Variants in GRIP1 observed in about 807,000 individuals in gnomAD.
The protein encoded by GRIP1 is glutamate receptor-interacting protein 1.
In GRIP1, 45 loss-of-function variants were observed where a neutral mutation model predicts 129.9. That is an observed-to-expected ratio of 0.35 (90% CI 0.27 to 0.44). The LOEUF (loss-of-function observed/expected upper bound fraction) is 0.44, where lower values mean the gene tolerates loss of function less well. Ranked by LOEUF, GRIP1 falls within the 20% of genes least tolerant of loss-of-function variation. The pLI, the probability that GRIP1 is intolerant of heterozygous loss-of-function variation, is 1.00. For synonymous variants in GRIP1, 530 were observed against 520.8 expected (o/e 1.02, Z -0.24); for missense variants, 1,196 against 1,396.8 (o/e 0.86, Z 2.29).
chr12:66,742,521 T>A (rs111322951), intron 1 of GRIP1, among the ~76,000 whole-genome samples: 23 of 152,226 alleles, frequency 1.5e-4, no homozygotes, highest in African/African-American at 4.6e-4. Context: ...TCCAGGATCA[T>A]CTTGAAGAAA....
intron 2 of GRIP1, among the ~76,000 whole-genome samples, chr12:66,571,963 G>A (rs2062974186): frequency 6.6e-6 from 1 of 152,110 alleles, no homozygotes; most frequent in Non-Finnish European, 1.5e-5. Context: ...GCAGAAGTAG[G>A]GCTGGTGTAT....
At chr12:66,905,915 A>G (rs1226679559) in intron 1 of GRIP1, among the ~76,000 whole-genome samples, 4 of 152,180 alleles carry the variant, frequency 2.6e-5, no homozygotes, top group African/African-American at 9.7e-5. Flanking sequence ...TCTTTAAGAC[A>G]TTTTAAAGGA....
intron 1 of GRIP1, among the ~76,000 whole-genome samples, chr12:66,723,783 A>C (rs890278164): frequency 4.6e-5 from 7 of 152,174 alleles, no homozygotes; most frequent in African/African-American, 1.7e-4. Flanking sequence ...AGAATTAAAA[A>C]TTGTCTGAGG....
In GRIP1 at chr12:66,419,874, T is replaced by A. The variant is rs996841086; in HGVS notation, c.1838+846A>T. 2.6e-5 allele frequency among the ~76,000 whole-genome samples: 4 copies of A among 152,204 alleles called. No individual in the cohort carries two copies. The East Asian group carries it at 7.7e-4, about 29-fold the overall frequency. On this transcript the variant is annotated intron_variant, in intron 15 of 24. Transcript: ENST00000359742. The stretch of plus-strand genomic sequence containing the variant: ...ACTCTGGGAGGCTGAGGTGGGTGGA[T>A]CACCTGAGGTCAGGAGTTTGAGACC...
At chr12:66,573,030 A>G (rs2063015929) in intron 2 of GRIP1, among the ~76,000 whole-genome samples, 1 of 152,026 alleles carries the variant, frequency 6.6e-6, no homozygotes, top group Admixed American at 6.6e-5. Flanking sequence ...GCATGTTGTT[A>G]TATATATGCC....
chr12:66,395,113 C>T (rs768514857), intron 16 of GRIP1, among the ~76,000 whole-genome samples: 1 of 152,232 alleles, frequency 6.6e-6, no homozygotes, highest in Non-Finnish European at 1.5e-5. Context: ...TAGTTGAAGA[C>T]ACTTGTGAAT....
At chr12:66,650,857 C>T (rs1565942004) in intron 1 of GRIP1, among the ~76,000 whole-genome samples, 1 of 152,176 alleles carries the variant, frequency 6.6e-6, no homozygotes, top group Non-Finnish European at 1.5e-5. Context: ...GGCTCTGACA[C>T]CACACTGACC....
At position 66,427,194 on chromosome 12, in the gene GRIP1, A is replaced by G. The variant is rs527600136; in HGVS notation, c.1768+5354T>C. ...GCTTCCCCTCTGCTTCTTTACTTAA[A>G]TTCATCTTTCTTTATCTTCTTTGCC... is the stretch of plus-strand genomic sequence containing the variant. On this transcript the variant is annotated intron_variant, in intron 14 of 24. Transcript: ENST00000359742. 4.6e-5 allele frequency among the ~76,000 whole-genome samples: 7 copies of G among 152,130 alleles called. No individual in the cohort carries two copies. The South Asian group carries it at 1.5e-3, about 32-fold the overall frequency.
At chr12:66,532,303 T>C (rs964832773) in intron 4 of GRIP1, among the ~76,000 whole-genome samples, 8 of 152,184 alleles carry the variant, frequency 5.3e-5, no homozygotes, top group Non-Finnish European at 1.2e-4. Flanking sequence ...CATACATATG[T>C]ATGTATACAC....
At chr12:66,841,095 A>T (rs944253077) in intron 1 of GRIP1, among the ~76,000 whole-genome samples, 3 of 152,182 alleles carry the variant, frequency 2.0e-5, no homozygotes, top group African/African-American at 7.2e-5. Context: ...TAAACATCCC[A>T]TATTTTTATC....
chr12:66,982,041 C>A (rs2042248292), intron 1 of GRIP1, among the ~76,000 whole-genome samples: 1 of 152,142 alleles, frequency 6.6e-6, no homozygotes, highest in Non-Finnish European at 1.5e-5. Flanking sequence ...TCATTGAGAA[C>A]TTATAAAGAA....
At chr12:66,716,654 A>G (rs1299159105) in intron 1 of GRIP1, among the ~76,000 whole-genome samples, 1 of 152,010 alleles carries the variant, frequency 6.6e-6, no homozygotes, top group Non-Finnish European at 1.5e-5. Flanking sequence ...TTGGGCCCCA[A>G]TAGACTGAAT....
At chr12:66,408,417 T>G (rs1024396322) in intron 15 of GRIP1, among the ~76,000 whole-genome samples, 3 of 152,084 alleles carry the variant, frequency 2.0e-5, no homozygotes, top group African/African-American at 7.2e-5. Context: ...AGGTGCAGGT[T>G]GCAGTGAGCC....
intron 13 of GRIP1, among the ~76,000 whole-genome samples, chr12:66,443,326 C>T (rs951411423): frequency 9.2e-5 from 14 of 152,304 alleles, no homozygotes; most frequent in African/African-American, 3.1e-4. Flanking sequence ...AGTAATTTTC[C>T]ATTCAATGAC....
At chr12:66,946,146 A>G (rs1165530799) in intron 1 of GRIP1, among the ~76,000 whole-genome samples, 1 of 152,148 alleles carries the variant, frequency 6.6e-6, no homozygotes, top group African/African-American at 2.4e-5. Context: ...TTCCTTTTCA[A>G]AAATTCTGAC....
At chr12:66,451,334 T>TC (rs2058789063) in intron 11 of GRIP1, among the ~76,000 whole-genome samples, 3 of 145,370 alleles carry the variant, frequency 2.1e-5, no homozygotes, top group Non-Finnish European at 4.5e-5. Context: ...TGAGAAGCAT[T>TC]TAAAAAATAT....
In GRIP1 at chr12:66,734,088, C is replaced by T. The variant is rs756216142; in HGVS notation, c.-420+69965G>A. 1.2e-4 allele frequency among the ~76,000 whole-genome samples: 19 copies of T among 152,106 alleles called. 1 individual carries two copies. The highest frequency in any genetic ancestry group is 2.4e-4 in the Non-Finnish European group (16 of 68,028). On this transcript the variant is annotated intron_variant, in intron 1 of 4. Transcript: ENST00000538373. ...AATCAAAGTTGCTTGCTTTGTAAAT[C>T]CTGAGATCGGAATGCTACGTATGTT...
chr12:66,497,305 T>C (rs2060264049), intron 7 of GRIP1, among the ~76,000 whole-genome samples: 1 of 152,118 alleles, frequency 6.6e-6, no homozygotes, highest in Non-Finnish European at 1.5e-5. Flanking sequence ...CTAATCTAGA[T>C]AGGATGTTAT....
chr12:66,890,079 C>T (rs1413853262), intron 1 of GRIP1, among the ~76,000 whole-genome samples: 1 of 152,080 alleles, frequency 6.6e-6, no homozygotes, highest in Non-Finnish European at 1.5e-5. Context: ...CAGGTATGTG[C>T]CACCATGCCT....
Sources: gnomAD v4.1 joint callset for allele counts (sites outside exome capture counted in the v4.1 genomes callset) on GRCh38, gnomAD v4.1.1 for gene constraint, MANE v1.5 for transcripts, NCBI Gene and HGNC (gene_info 2026-07-23, HGNC 2026-07-21) for gene names.